Variants in TACR3 observed in about 807,000 individuals in gnomAD.
The protein encoded by TACR3 is tachykinin receptor 3, also known as neuromedin-K receptor.
A neutral mutation model predicts 35.0 loss-of-function variants in TACR3; 34 were observed. The ratio of observed to expected loss-of-function variants is 0.97; its 90% CI spans 0.74 to 1.30. The LOEUF is 1.30. Among genes scored for constraint, TACR3 ranks in the 50% most tolerant of loss-of-function variants. The probability of loss-of-function intolerance (pLI) is 0.00; values close to 1 mark genes in which losing one functional copy is unlikely to be tolerated. For missense variants in TACR3, 558 were observed against 591.7 expected (o/e 0.94, Z 0.59); for synonymous variants, 233 against 221.1 (o/e 1.05, Z -0.48).
intron 1 of TACR3, among the ~76,000 whole-genome samples, chr4:103,702,400 A>T (rs367917100): frequency 2.0e-5 from 3 of 152,188 alleles, no homozygotes; most frequent in Admixed American, 2.0e-4. Context: ...GTCAGGAAAC[A>T]ACAGGTGCTG....
intron 3 of TACR3, among the ~76,000 whole-genome samples, chr4:103,615,411 G>T (rs1400852056): frequency 7.3e-6 from 1 of 137,160 alleles, no homozygotes. Flanking sequence ...GAGAGAGAGA[G>T]AGAGAGAGAG....
At position 103,587,894 on chromosome 4, in the gene TACR3, TGAC is replaced by T. The variant is rs1199022607; in HGVS notation, c.*1785_*1787del. The T allele has an allele frequency of 6.6e-6, 1 of 152,108 alleles. No homozygotes were observed. Among genetic ancestry groups the T allele is most frequent in the African/African-American group, 2.4e-5 (1 of 41,454 alleles). 9.4% of individuals were successfully genotyped at this position (152,108 alleles called of 1,614,324 possible). A position where few individuals can be genotyped will look rare whatever the true frequency, so the allele number is the denominator to read the frequency against. On this transcript the variant is annotated 3_prime_UTR_variant, in exon 5 of 5. Coordinates refer to ENST00000304883, the MANE Select transcript of TACR3 (RefSeq NM_001059.3). ...TATTGAGCATATGGCAATGCTGTAATGACCACTTATCATTTCAGTATTTGATTT... is the reference window on the plus strand; with the variant it reads ...TATTGAGCATATGGCAATGCTGTAATCACTTATCATTTCAGTATTTGATTT...
intron 1 of TACR3, among the ~76,000 whole-genome samples, chr4:103,690,230 C>T (rs568463396): frequency 1.3e-5 from 2 of 152,242 alleles, no homozygotes; most frequent in South Asian, 4.1e-4. Context: ...CTCAAATCCA[C>T]ATGAAGATAT....
chr4:103,687,719 T>A (rs1440944065), intron 1 of TACR3, among the ~76,000 whole-genome samples: 1 of 152,144 alleles, frequency 6.6e-6, no homozygotes, highest in East Asian at 1.9e-4. Context: ...CAAGGAGAAC[T>A]ACAAACCACT....
In TACR3 at chr4:103,588,176, T is replaced by C. The variant is rs1464481044; in HGVS notation, c.*1506A>G. On this transcript the variant is annotated 3_prime_UTR_variant, in exon 5 of 5. Coordinates refer to ENST00000304883, the MANE Select transcript of TACR3 (RefSeq NM_001059.3). The stretch of plus-strand genomic sequence containing the variant: ...TTGAATATTTGCTTTTATTCTGTTC[T>C]TCAAAAATATTTTGTTTTAATATCG... 1 of 152,154 alleles carries C rather than the reference T, an allele frequency of 6.6e-6. No individual in the cohort carries two copies. The highest frequency in any genetic ancestry group is 1.5e-5 in the Non-Finnish European group (1 of 67,998). 9.4% of individuals were successfully genotyped at this position (152,154 alleles called of 1,614,324 possible).
chr4:103,634,079 A>G (rs1458128928), intron 3 of TACR3, among the ~76,000 whole-genome samples: 1 of 152,144 alleles, frequency 6.6e-6, no homozygotes, highest in African/African-American at 2.4e-5. Flanking sequence ...AAATAGGACT[A>G]GAAGGCAGAT....
intron 3 of TACR3, among the ~76,000 whole-genome samples, chr4:103,601,566 T>C (rs1724202298): frequency 6.6e-6 from 1 of 152,162 alleles, no homozygotes; most frequent in African/African-American, 2.4e-5. Flanking sequence ...CAGGAGCTCT[T>C]TTAGGGCAGG....
rs1335264468 is a variant in TACR3 at position 103,653,859 on chromosome 4, AAAC to A, written c.888+2332_888+2334del. ...CTCAAACAAATTTACAAGAAAAAAC[AAAC>A]AACCCCTTCAAAAAGTGGGCGAAGG... is the stretch of plus-strand genomic sequence containing the variant. On this transcript the variant is annotated intron_variant, in intron 3 of 4. Transcript: ENST00000304883. 2.6e-5 allele frequency among the ~76,000 whole-genome samples: 4 copies of A among 152,268 alleles called. No individual in the cohort carries two copies. The East Asian group carries it at 7.7e-4, about 29-fold the overall frequency.
chr4:103,654,312 G>A (rs1044130880), intron 3 of TACR3, among the ~76,000 whole-genome samples: 7 of 151,494 alleles, frequency 4.6e-5, no homozygotes, highest in Non-Finnish European at 7.4e-5. Flanking sequence ...GTCCAACAAC[G>A]ATAGACTGGA....
intron 1 of TACR3, among the ~76,000 whole-genome samples, chr4:103,669,400 T>C (rs1299926706): frequency 2.0e-5 from 3 of 152,150 alleles, no homozygotes; most frequent in Non-Finnish European, 4.4e-5. Context: ...GGAATTTCTA[T>C]TTTAGTTTTT....
At position 103,591,518 on chromosome 4, in the gene TACR3, T is replaced by G; in HGVS notation, c.1054A>C (p.Asn352His). The G allele has an allele frequency of 1.2e-6, 2 of 1,613,904 alleles. No homozygotes were observed. Among genetic ancestry groups the G allele is most frequent in the Non-Finnish European group, 1.7e-6 (2 of 1,179,826 alleles). The change falls in exon 4 of 5, where the codon AAT (asparagine) becomes CAT (histidine). Residue 352 changes from asparagine (N) to histidine (H), a missense_variant. Asn to His is a moderately conservative substitution (Grantham distance 68). Transcript: ENST00000304883. Reference sequence around the variant, plus strand: ...TTCAGACAGCAGTAGATGATGGGATTGTACATGGTTGAGCTCATTGCCAGC... The same window carrying G: ...TTCAGACAGCAGTAGATGATGGGATGGTACATGGTTGAGCTCATTGCCAGC... ...FWLAMSSTMY[N>H]PIIYCCLNKR...
At chr4:103,665,770 C>T (rs143835137) in intron 1 of TACR3, among the ~76,000 whole-genome samples, 1 of 152,128 alleles carries the variant, frequency 6.6e-6, no homozygotes, top group Non-Finnish European at 1.5e-5. Context: ...CAGTACCATA[C>T]CCCATGATTT....
intron 3 of TACR3, among the ~76,000 whole-genome samples, chr4:103,653,051 T>G (rs1166267539): frequency 6.6e-6 from 1 of 152,116 alleles, no homozygotes; most frequent in Non-Finnish European, 1.5e-5. Flanking sequence ...TACCAATAAC[T>G]GACTGTAAAA....
intron 3 of TACR3, among the ~76,000 whole-genome samples, chr4:103,628,194 G>A (rs946013764): frequency 2.0e-5 from 3 of 152,128 alleles, no homozygotes; most frequent in Non-Finnish European, 2.9e-5. Flanking sequence ...GAGAAAGCAG[G>A]AAAGACCTAA....
At chr4:103,699,344 A>G in intron 1 of TACR3, among the ~76,000 whole-genome samples, 1 of 152,168 alleles carries the variant, frequency 6.6e-6, no homozygotes, top group East Asian at 1.9e-4. Context: ...GAGAACAGTG[A>G]TGGCGGAGCA....
At chr4:103,719,097 CCT>C in intron 1 of TACR3, 29 bp downstream of exon 1, 2 of 1,613,700 alleles carry the variant, frequency 1.2e-6, no homozygotes, top group Non-Finnish European at 1.7e-6. Context: ...TTCCCTTCTC[CCT>C]CTTTCCTCTC....
At chr4:103,623,004 T>C (rs1724817436) in intron 3 of TACR3, among the ~76,000 whole-genome samples, 1 of 152,174 alleles carries the variant, frequency 6.6e-6, no homozygotes, top group Non-Finnish European at 1.5e-5. Context: ...CGAGGTCATT[T>C]CCTGGATCTA....
intron 1 of TACR3, among the ~76,000 whole-genome samples, chr4:103,713,248 G>A (rs552302852): frequency 2.0e-5 from 3 of 152,130 alleles, no homozygotes; most frequent in African/African-American, 7.2e-5. Context: ...ATGATAGACT[G>A]GATTAAGAAA....
chr4:103,711,983 T>C (rs1441732545), intron 1 of TACR3, among the ~76,000 whole-genome samples: 1 of 151,996 alleles, frequency 6.6e-6, no homozygotes, highest in Non-Finnish European at 1.5e-5. Context: ...CACTGCTCAA[T>C]GACATAAAAG....
Sources: gnomAD v4.1 joint callset for allele counts (sites outside exome capture counted in the v4.1 genomes callset) on GRCh38, gnomAD v4.1.1 for gene constraint, MANE v1.5 for transcripts, NCBI Gene and HGNC (gene_info 2026-07-23, HGNC 2026-07-21) for gene names.